Variants in GAN observed in about 807,000 individuals in gnomAD.
The protein encoded by GAN is epididymis secretory sperm binding protein.
Under a neutral mutation model 71.3 loss-of-function variants are expected in GAN, and 48 were observed. The ratio of observed to expected loss-of-function variants is 0.67; its 90% CI spans 0.53 to 0.86. GAN has a LOEUF of 0.86. Among genes scored for constraint, GAN ranks in the 40% least tolerant of loss-of-function variants. GAN has a pLI of 0.00. For synonymous variants in GAN, 386 were observed against 276.8 expected (o/e 1.39, Z -3.92); for missense variants, 928 against 770.1 (o/e 1.21, Z -2.43).
At position 81,354,892 on chromosome 16, in the gene GAN, C is replaced by G. The variant is rs1055779070; in HGVS notation, c.633+137C>G. The G allele has an allele frequency of 7.8e-6, 5 of 638,392 alleles. No homozygotes were observed. The Admixed American group carries it at 8.0e-5, about 10-fold the overall frequency. 39.5% of individuals were successfully genotyped at this position (638,392 alleles called of 1,614,324 possible). A position where few individuals can be genotyped will look rare whatever the true frequency, so the allele number is the denominator to read the frequency against. ...AAAAGATACCTGTAAAACATGTTCC[C>G]CTATATCATGAAAGCAGTTGGTTTT... On this transcript the variant is annotated intron_variant, in intron 3 of 10. Coordinates refer to ENST00000648994, the MANE Select transcript of GAN (RefSeq NM_022041.4).
intron 5 of GAN, among the ~76,000 whole-genome samples, chr16:81,360,695 T>G (rs2150689228): frequency 6.6e-6 from 1 of 152,330 alleles, no homozygotes; most frequent in East Asian, 1.9e-4. Flanking sequence ...TATCTTCCAG[T>G]TAATTTTTAT....
intron 1 of GAN, among the ~76,000 whole-genome samples, chr16:81,321,711 GCAT>G (rs756954978): frequency 9.2e-5 from 14 of 152,200 alleles, no homozygotes; most frequent in Admixed American, 3.9e-4. Context: ...TCACAGGGTT[GCAT>G]CATCCTTCTG....
chr16:81,323,821 C>T (rs903058747), intron 1 of GAN, among the ~76,000 whole-genome samples: 5 of 152,158 alleles, frequency 3.3e-5, no homozygotes, highest in Non-Finnish European at 7.3e-5. Flanking sequence ...GGACTCCATC[C>T]TCTTGTGCTG....
At chr16:81,359,130 A>C (rs1910586637) in intron 5 of GAN, among the ~76,000 whole-genome samples, 1 of 152,210 alleles carries the variant, frequency 6.6e-6, no homozygotes, top group Non-Finnish European at 1.5e-5. Flanking sequence ...AGAGCTGGAC[A>C]GAGTAGTATA....
At position 81,376,511 on chromosome 16, in the gene GAN, A is replaced by G. The variant is rs62046507; in HGVS notation, c.1503-708A>G. On this transcript the variant is annotated intron_variant, in intron 9 of 10. Coordinates refer to ENST00000648994, the MANE Select transcript of GAN (RefSeq NM_022041.4). Reference sequence around the variant, plus strand: ...TGTGTGTGTGTGTGTGTGTGTGTGTATGTGTGTGTGTATACATATATGTGT... The same window carrying G: ...TGTGTGTGTGTGTGTGTGTGTGTGTGTGTGTGTGTGTATACATATATGTGT... Among the ~76,000 whole-genome samples the G allele has an allele frequency of 8.9e-3, 633 of 71,356 alleles. 2 individuals are homozygous for G. The highest frequency in any genetic ancestry group is 0.013 in the African/African-American group (257 of 19,844). The allele number at this position is 71,356 out of a possible 152,430, so 46.8% of individuals were successfully genotyped here.
chr16:81,325,669 G>A (rs1309294228), intron 1 of GAN, among the ~76,000 whole-genome samples: 1 of 152,154 alleles, frequency 6.6e-6, no homozygotes, highest in Non-Finnish European at 1.5e-5. Flanking sequence ...CATCAAGATG[G>A]TGGTGGGTCT....
At chr16:81,343,366 C>G (rs1910010477) in intron 1 of GAN, among the ~76,000 whole-genome samples, 1 of 152,136 alleles carries the variant, frequency 6.6e-6, no homozygotes, top group African/African-American at 2.4e-5. Context: ...TGAAAATCCT[C>G]AATAAAATAC....
At chr16:81,360,128 A>G (rs1480896712) in intron 5 of GAN, among the ~76,000 whole-genome samples, 1 of 152,160 alleles carries the variant, frequency 6.6e-6, no homozygotes, top group East Asian at 1.9e-4. Context: ...GTAGGTAGGT[A>G]GATAGTGTTC....
intron 9 of GAN, among the ~76,000 whole-genome samples, chr16:81,371,548 G>A (rs567222744): frequency 2.0e-5 from 3 of 152,270 alleles, no homozygotes; most frequent in African/African-American, 7.2e-5. Flanking sequence ...TCCAGTTCTC[G>A]AAGCCTCGGT....
At chr16:81,363,737 C>T in intron 6 of GAN, 57 bp from the exon 7 acceptor site, 7 of 1,540,274 alleles carry the variant, frequency 4.5e-6, no homozygotes, top group Non-Finnish European at 5.4e-6. Flanking sequence ...GTATGAATAT[C>T]AGCTTTCAAT....
intron 1 of GAN, among the ~76,000 whole-genome samples, chr16:81,331,661 T>TA (rs1273501715): frequency 6.6e-6 from 1 of 152,212 alleles, no homozygotes; most frequent in East Asian, 1.9e-4. Context: ...TGTCCCCTCA[T>TA]ACACATGGCT....
intron 7 of GAN, among the ~76,000 whole-genome samples, 191 bp from the exon 8 acceptor site, chr16:81,364,783 A>C (rs534511578): frequency 4.6e-5 from 7 of 152,312 alleles, no homozygotes. Context: ...GAAGATTAAG[A>C]ATATGTGTCT....
intron 5 of GAN, among the ~76,000 whole-genome samples, chr16:81,361,523 T>C (rs1007265044): frequency 6.6e-6 from 1 of 152,172 alleles, no homozygotes; most frequent in Admixed American, 6.5e-5. Context: ...TCTGTGGACC[T>C]GGAGCTTAAA....
intron 1 of GAN, among the ~76,000 whole-genome samples, chr16:81,332,614 G>A (rs1347522082): frequency 6.6e-6 from 1 of 152,140 alleles, no homozygotes; most frequent in Non-Finnish European, 1.5e-5. Context: ...AGCTGATTCT[G>A]CCTTCCCTTG....
At chr16:81,372,580 C>G (rs1197005341) in intron 9 of GAN, among the ~76,000 whole-genome samples, 2 of 152,160 alleles carry the variant, frequency 1.3e-5, no homozygotes, top group African/African-American at 4.8e-5. Flanking sequence ...TAAAATAGAT[C>G]ACCTACGCGT....
chr16:81,363,744 C>G lies in GAN; in HGVS notation c.1087-50C>G, dbSNP rs373734410. 6 of 1,577,324 alleles carry G rather than the reference C, an allele frequency of 3.8e-6. No individual in the cohort carries two copies. The African/African-American group carries it at 8.1e-5, about 21-fold the overall frequency. On this transcript the variant is annotated intron_variant, in intron 6 of 10. Coordinates refer to ENST00000648994, the MANE Select transcript of GAN (RefSeq NM_022041.4). ...TATTAAGTGTATGAATATCAGCTTTCAATATGATCATTGGCCTTGTGTGTT... is the reference window on the plus strand; with the variant it reads ...TATTAAGTGTATGAATATCAGCTTTGAATATGATCATTGGCCTTGTGTGTT...
rs914210553 is a variant in GAN, at chr16:81,380,225, T to C, written c.*2629T>C. On this transcript the variant is annotated 3_prime_UTR_variant, in exon 11 of 11. Transcript: ENST00000648994. ...ATTCCACTTATGCCTTGAAACATCA[T>C]TTCTTGATAACTTTTTGATACTTCT... 1.3e-5 allele frequency: 2 copies of C among 152,670 alleles called. No individual in the cohort carries two copies. Among genetic ancestry groups the C allele is most frequent in the African/African-American group, 4.8e-5 (2 of 41,472 alleles). The allele number at this position is 152,670 out of a possible 1,614,324, so 9.5% of individuals were successfully genotyped here.
intron 1 of GAN, among the ~76,000 whole-genome samples, chr16:81,337,377 A>G (rs147684915): frequency 2.6e-4 from 39 of 152,296 alleles, no homozygotes; most frequent in African/African-American, 8.2e-4. Context: ...CTTGCATTCT[A>G]TTTAAATATG....
intron 1 of GAN, among the ~76,000 whole-genome samples, chr16:81,347,522 T>C (rs769879626): frequency 6.6e-6 from 1 of 152,186 alleles, no homozygotes; most frequent in Non-Finnish European, 1.5e-5. Flanking sequence ...TCCACTTTCT[T>C]GATATATTCC....
Sources: gnomAD v4.1 joint callset for allele counts (sites outside exome capture counted in the v4.1 genomes callset) on GRCh38, gnomAD v4.1.1 for gene constraint, MANE v1.5 for transcripts, NCBI Gene and HGNC (gene_info 2026-07-23, HGNC 2026-07-21) for gene names.